ROBO2: variants seen among roughly 807,000 people sequenced by gnomAD.
ROBO2 encodes the protein roundabout homolog 2.
ROBO2 carries 53 observed loss-of-function variants against 160.8 expected under a neutral mutation model. The observed-to-expected ratio is 0.33, with a 90% CI of 0.26 to 0.41. The LOEUF (loss-of-function observed/expected upper bound fraction) is 0.41. ROBO2 is among the 10% of genes least tolerant of loss of function. ROBO2 has a pLI of 1.00. For synonymous variants in ROBO2, 664 were observed against 611.7 expected, an observed-to-expected ratio of 1.09 and a Z score of -1.26; for missense variants, 1,577 against 1,722.4, an observed-to-expected ratio of 0.92 and a Z score of 1.49.
At chr3:76,226,550 C>G (rs1231028346) in intron 2 of ROBO2, among the ~76,000 whole-genome samples, 1 of 152,104 alleles carries the variant, frequency 6.6e-6, no homozygotes, top group Admixed American at 6.6e-5. Flanking sequence ...GAATTCTATG[C>G]AAAGTTTGGA....
At chr3:76,574,347 A>G (rs2085152592) in intron 2 of ROBO2, among the ~76,000 whole-genome samples, 1 of 152,110 alleles carries the variant, frequency 6.6e-6, no homozygotes, top group Non-Finnish European at 1.5e-5. Flanking sequence ...TAGTTAAAAT[A>G]ATTGGAAAAA....
At chr3:76,045,210 C>T (rs1472326174) in intron 2 of ROBO2, among the ~76,000 whole-genome samples, 6 of 152,042 alleles carry the variant, frequency 3.9e-5, no homozygotes, top group Non-Finnish European at 7.3e-5. Flanking sequence ...ATGATTAATA[C>T]TGTACAATCT....
intron 2 of ROBO2, among the ~76,000 whole-genome samples, chr3:77,176,224 G>C (rs1351895227): frequency 6.6e-6 from 1 of 152,018 alleles, no homozygotes; most frequent in Non-Finnish European, 1.5e-5. Flanking sequence ...GAAAAAAAAG[G>C]TGTTTAATTC....
rs2092623043 is a variant in ROBO2, at chr3:77,544,603, A to C, written c.935-1735A>C. On this transcript the variant is annotated intron_variant, in intron 6 of 25. Transcript: ENST00000461745. ...GCTAGGATTCTTGTAAGGATGAAGAATTGGTTGCGTGTTTGGGGCTGATCT... is the reference window on the plus strand; with the variant it reads ...GCTAGGATTCTTGTAAGGATGAAGACTTGGTTGCGTGTTTGGGGCTGATCT... Among the ~76,000 whole-genome samples, 3 of 152,082 alleles carry C rather than the reference A, an allele frequency of 2.0e-5. No individual in the cohort carries two copies. The South Asian group carries it at 6.2e-4, about 31-fold the overall frequency.
At chr3:77,131,588 G>A (rs910367336) in intron 2 of ROBO2, among the ~76,000 whole-genome samples, 3 of 151,974 alleles carry the variant, frequency 2.0e-5, no homozygotes, top group African/African-American at 7.3e-5. Flanking sequence ...TAACATAAGG[G>A]GAAATATGTA....
At chr3:75,978,143 G>A (rs1457511479) in intron 2 of ROBO2, among the ~76,000 whole-genome samples, 1 of 151,514 alleles carries the variant, frequency 6.6e-6, no homozygotes, top group Non-Finnish European at 1.5e-5. Context: ...TAAATGTGGT[G>A]TAGAGAATTA....
At chr3:76,059,436 C>A (rs2067986091) in intron 2 of ROBO2, among the ~76,000 whole-genome samples, 1 of 152,190 alleles carries the variant, frequency 6.6e-6, no homozygotes, top group African/African-American at 2.4e-5. Context: ...TTTCTGGCTG[C>A]ATAAATGTCT....
chr3:77,331,035 A>T (rs969573375), intron 2 of ROBO2, among the ~76,000 whole-genome samples: 1 of 152,150 alleles, frequency 6.6e-6, no homozygotes, highest in African/African-American at 2.4e-5. Context: ...GTCTTCTACC[A>T]TTTGAGAATG....
chr3:75,943,433 G>T (rs1948142084), intron 2 of ROBO2, among the ~76,000 whole-genome samples: 1 of 151,994 alleles, frequency 6.6e-6, no homozygotes, highest in African/African-American at 2.4e-5. Flanking sequence ...TGTTCTATTT[G>T]AACATATTTG....
chr3:77,090,801 A>G (rs928569167), intron 1 of ROBO2, among the ~76,000 whole-genome samples: 14 of 152,128 alleles, frequency 9.2e-5, no homozygotes, highest in Non-Finnish European at 1.8e-4. Context: ...CTTTTCGTGT[A>G]GTGCTACTGT....
At chr3:77,593,352 A>T (rs558973829) in intron 17 of ROBO2, among the ~76,000 whole-genome samples, 1 of 152,152 alleles carries the variant, frequency 6.6e-6, no homozygotes, top group South Asian at 2.1e-4. Context: ...ATTATTTCAG[A>T]TTAATTCTTT....
At chr3:76,484,005 GAA>G in intron 2 of ROBO2, among the ~76,000 whole-genome samples, 1 of 152,252 alleles carries the variant, frequency 6.6e-6, no homozygotes, top group African/African-American at 2.4e-5. Flanking sequence ...TTGCTATTGT[GAA>G]AAGTGTGGCA....
At chr3:76,833,714 C>A (rs187552863) in intron 2 of ROBO2, among the ~76,000 whole-genome samples, 19 of 152,218 alleles carry the variant, frequency 1.2e-4, no homozygotes, top group Non-Finnish European at 1.5e-4. Flanking sequence ...CTATTCTATC[C>A]TCTCGTAACT....
intron 2 of ROBO2, among the ~76,000 whole-genome samples, chr3:77,422,082 G>A (rs1257622299): frequency 6.6e-6 from 1 of 152,102 alleles, no homozygotes; most frequent in Non-Finnish European, 1.5e-5. Context: ...TGAATGCTGA[G>A]GCAGCACACT....
intron 2 of ROBO2, among the ~76,000 whole-genome samples, chr3:76,595,969 T>A (rs945446546): frequency 6.6e-6 from 1 of 152,106 alleles, no homozygotes; most frequent in Non-Finnish European, 1.5e-5. Context: ...TCTGTAATTA[T>A]TAACATTCTG....
intron 2 of ROBO2, among the ~76,000 whole-genome samples, chr3:76,399,364 A>G (rs1025058198): frequency 6.6e-6 from 1 of 151,656 alleles, no homozygotes; most frequent in Non-Finnish European, 1.5e-5. Context: ...TGAGGGAAAC[A>G]TTATTGCTAT....
chr3:77,602,635 C>G, intron 20 of ROBO2, 144 bp downstream of exon 21: 1 of 987,524 alleles, frequency 1.0e-6, no homozygotes, highest in Non-Finnish European at 1.5e-6. Flanking sequence ...TTTCCAGTAA[C>G]TTGAGTAATT....
intron 2 of ROBO2, among the ~76,000 whole-genome samples, chr3:76,185,215 T>TATATAGATATATATAGATATATATAC: frequency 1.1e-5 from 1 of 90,312 alleles, no homozygotes; most frequent in African/African-American, 3.8e-5. Context: ...TATATATATA[T>TATATAGATATATATAGATATATATAC]ACACACACAA....
At chr3:77,240,783 G>T (rs567308885) in intron 2 of ROBO2, among the ~76,000 whole-genome samples, 1 of 152,292 alleles carries the variant, frequency 6.6e-6, no homozygotes, top group African/African-American at 2.4e-5. Flanking sequence ...CTGCTGAAAA[G>T]AAGCTGCTAA....
Sources: allele counts gnomAD v4.1 joint callset (sites outside exome capture counted in the v4.1 genomes callset), GRCh38; gene constraint gnomAD v4.1.1; transcripts MANE v1.5; gene names NCBI Gene and HGNC (gene_info 2026-07-23, HGNC 2026-07-21).